The following PRKCE variants were observed in gnomAD, a reference collection of about 807,000 sequenced individuals.
PRKCE encodes protein kinase C epsilon.
PRKCE carries 16 observed loss-of-function variants against 85.4 expected under a neutral mutation model. The observed-to-expected ratio is 0.19, with a 90% CI of 0.13 to 0.28. The LOEUF (loss-of-function observed/expected upper bound fraction) is 0.28, where lower values mean the gene tolerates loss of function less well. Ranked by LOEUF, PRKCE falls within the 10% of genes least tolerant of loss-of-function variation. The pLI, the probability that PRKCE is intolerant of heterozygous loss-of-function variation, is 1.00. For missense variants in PRKCE, 573 were observed against 975.2 expected, an observed-to-expected ratio of 0.59 and a Z score of 5.49; for synonymous variants, 388 against 371.5, an observed-to-expected ratio of 1.04 and a Z score of -0.51.
At chr2:45,726,888 C>T (rs926267811) in intron 1 of PRKCE, among the ~76,000 whole-genome samples, 7 of 152,162 alleles carry the variant, frequency 4.6e-5, no homozygotes, top group African/African-American at 1.7e-4. Flanking sequence ...GCTGACTTTG[C>T]TGCTTGTTAG....
chr2:45,760,405 C>A (rs1281387028), intron 1 of PRKCE, among the ~76,000 whole-genome samples: 1 of 152,144 alleles, frequency 6.6e-6, no homozygotes, highest in African/African-American at 2.4e-5. Context: ...AGGGGAAAGT[C>A]TACCAACTCT....
chr2:45,941,956 G>C (rs1319826728), intron 2 of PRKCE, among the ~76,000 whole-genome samples: 2 of 152,306 alleles, frequency 1.3e-5, no homozygotes, highest in East Asian at 3.9e-4. Flanking sequence ...CAAGCAAGAG[G>C]CTGCTGCAGG....
intron 2 of PRKCE, among the ~76,000 whole-genome samples, chr2:45,910,561 T>C (rs1573843589): frequency 1.3e-5 from 2 of 152,268 alleles, no homozygotes; most frequent in Admixed American, 1.3e-4. Flanking sequence ...TTGGGTGAGG[T>C]TCTTGGTATC....
intron 2 of PRKCE, among the ~76,000 whole-genome samples, chr2:45,904,287 C>T (rs528641562): frequency 5.9e-5 from 9 of 152,216 alleles, no homozygotes; most frequent in African/African-American, 1.7e-4. Flanking sequence ...AAGCCGGTTG[C>T]GTGCGAACCG....
chr2:45,821,187 G>T (rs1052691878), intron 1 of PRKCE, among the ~76,000 whole-genome samples: 11 of 152,180 alleles, frequency 7.2e-5, no homozygotes, highest in African/African-American at 2.4e-4. Context: ...AGAAGTTGGT[G>T]ATTGATGGAA....
chr2:46,092,192 G>A (rs1670230369), intron 11 of PRKCE, among the ~76,000 whole-genome samples: 1 of 152,220 alleles, frequency 6.6e-6, no homozygotes, highest in African/African-American at 2.4e-5. Flanking sequence ...TGTGATAGAG[G>A]ATATGAAAGC....
intron 1 of PRKCE, among the ~76,000 whole-genome samples, chr2:45,670,498 C>T (rs921300751): frequency 2.6e-5 from 4 of 152,080 alleles, no homozygotes; most frequent in African/African-American, 9.7e-5. Context: ...CCTTATAAAA[C>T]TCCTATTTCA....
chr2:45,805,068 A>G (rs1439681695), intron 1 of PRKCE, among the ~76,000 whole-genome samples: 5 of 152,164 alleles, frequency 3.3e-5, no homozygotes, highest in African/African-American at 4.8e-5. Flanking sequence ...AATATAAAAG[A>G]CAAGTCAAAG....
intron 10 of PRKCE, among the ~76,000 whole-genome samples, chr2:46,027,376 A>T (rs965806303): frequency 1.3e-5 from 2 of 152,096 alleles, no homozygotes; most frequent in African/African-American, 4.8e-5. Flanking sequence ...GATCATGATT[A>T]CCAGGGAAGT....
chr2:45,878,786 T>C (rs1037253554), intron 2 of PRKCE, among the ~76,000 whole-genome samples: 2 of 152,210 alleles, frequency 1.3e-5, no homozygotes, highest in Admixed American at 6.5e-5. Context: ...TGAAATATGT[T>C]TAGCTTTAAA....
At chr2:46,106,779 C>T (rs1230889421) in intron 11 of PRKCE, among the ~76,000 whole-genome samples, 1 of 152,138 alleles carries the variant, frequency 6.6e-6, no homozygotes, top group Admixed American at 6.5e-5. Context: ...CTTTAAAGGC[C>T]CTGTCTCCAA....
At chr2:46,125,779 A>G (rs751862841) in intron 11 of PRKCE, among the ~76,000 whole-genome samples, 1 of 152,250 alleles carries the variant, frequency 6.6e-6, no homozygotes, top group Non-Finnish European at 1.5e-5. Flanking sequence ...GCCTATGACA[A>G]TGAGTCATTC....
chr2:45,675,735 A>G (rs975632482), intron 1 of PRKCE: 1 of 152,214 alleles, frequency 6.6e-6, no homozygotes, highest in Non-Finnish European at 1.5e-5. Context: ...GTCATGCCAG[A>G]AGAGTTCAGG....
At chr2:45,740,049 G>C (rs1399013666) in intron 1 of PRKCE, among the ~76,000 whole-genome samples, 1 of 151,902 alleles carries the variant, frequency 6.6e-6, no homozygotes, top group African/African-American at 2.4e-5. Flanking sequence ...AGGCATGGTG[G>C]CTTGTGCCTA....
At chr2:45,818,131 A>G (rs1047242781) in intron 1 of PRKCE, among the ~76,000 whole-genome samples, 7 of 152,202 alleles carry the variant, frequency 4.6e-5, no homozygotes, top group African/African-American at 1.7e-4. Flanking sequence ...TACACAATCA[A>G]TTGGTCCATA....
intron 6 of PRKCE, among the ~76,000 whole-genome samples, chr2:45,997,291 G>T (rs1704298653): frequency 6.6e-6 from 1 of 151,718 alleles, no homozygotes; most frequent in Admixed American, 6.6e-5. Context: ...TTTCTCTACT[G>T]ATTTTCTGTT....
intron 5 of PRKCE, among the ~76,000 whole-genome samples, chr2:45,981,247 G>C (rs1003901945): frequency 6.6e-6 from 1 of 152,218 alleles, no homozygotes; most frequent in African/African-American, 2.4e-5. Flanking sequence ...GGTATTATCA[G>C]AACACTTGAT....
intron 1 of PRKCE, among the ~76,000 whole-genome samples, chr2:45,719,232 C>T (rs1355405622): frequency 6.6e-6 from 1 of 152,220 alleles, no homozygotes; most frequent in Non-Finnish European, 1.5e-5. Context: ...AGCCCTACCC[C>T]AGCCTCCGGC....
intron 1 of PRKCE, among the ~76,000 whole-genome samples, chr2:45,674,498 C>G (rs866816061): frequency 6.6e-6 from 1 of 152,172 alleles, no homozygotes; most frequent in Non-Finnish European, 1.5e-5. Context: ...GGCTAGGGAT[C>G]TTTACATGAG....
Sources: allele counts gnomAD v4.1 joint callset (sites outside exome capture counted in the v4.1 genomes callset), GRCh38; gene constraint gnomAD v4.1.1; transcripts MANE v1.5; gene names NCBI Gene and HGNC (gene_info 2026-07-23, HGNC 2026-07-21).